POLR2G: variants seen among roughly 807,000 people sequenced by gnomAD.
POLR2G encodes DNA-directed RNA polymerase II subunit RPB7.
Under a neutral mutation model 25.7 loss-of-function variants are expected in POLR2G, and 19 were observed. The observed-to-expected ratio is 0.74, with a 90% CI of 0.52 to 1.08. The LOEUF (loss-of-function observed/expected upper bound fraction) is 1.08, where lower values mean the gene tolerates loss of function less well. Ranked by LOEUF, POLR2G falls within the 50% of genes least tolerant of loss-of-function variation. The pLI is 0.00. For missense variants in POLR2G, 123 were observed against 218.5 expected, an observed-to-expected ratio of 0.56 and a Z score of 2.76; for synonymous variants, 79 against 76.0, an observed-to-expected ratio of 1.04 and a Z score of -0.21.
Position 62,766,689 on chromosome 11 carries a change from T to C in POLR2G, c.*182T>C, listed in dbSNP as rs1250531623. ...CTCATTTTTCAGTATGTGTTCTAAG[T>C]ATAAAAAGTCCTTGGTTCTCATGGA... On this transcript the variant is annotated 3_prime_UTR_variant, in exon 8 of 8. Transcript: ENST00000301788. 1.7e-6 allele frequency: 1 copy of C among 593,220 alleles called. No individual in the cohort carries two copies. The highest frequency in any genetic ancestry group is 3.0e-6 in the Non-Finnish European group (1 of 333,772). The allele number at this position is 593,220 out of a possible 1,614,324, so 36.7% of individuals were successfully genotyped here. A position where few individuals can be genotyped will look rare whatever the true frequency, so the allele number is the denominator to read the frequency against.
intron 3 of POLR2G, among the ~76,000 whole-genome samples, chr11:62,763,417 C>T (rs1405805222): frequency 4.6e-5 from 7 of 151,918 alleles, no homozygotes; most frequent in Admixed American, 3.9e-4. Flanking sequence ...GCCTCAGCCT[C>T]CCAAGTAGCT....
Position 62,765,718 on chromosome 11 carries a change from T to C in POLR2G, c.465T>C (p.Asn155=). 6.3e-7 allele frequency: 1 copy of C among 1,593,746 alleles called. No homozygotes were observed. Among genetic ancestry groups the C allele is most frequent in the South Asian group, 1.1e-5 (1 of 90,690 alleles). ...LKIVGTRVDK[N]DIFAIGSLMD... ...TTGTGGGGACCCGTGTGGACAAGAA[T>C]GACATTGTGAGTCTTTTCCCCACCT... The change falls in exon 6 of 8, where the codon AAT becomes AAC. Residue 155 remains asparagine, a synonymous_variant. Coordinates refer to ENST00000301788, the MANE Select transcript of POLR2G (RefSeq NM_002696.3).
chr11:62,764,614 C>T (rs1421123077), intron 3 of POLR2G, among the ~76,000 whole-genome samples: 1 of 151,902 alleles, frequency 6.6e-6, no homozygotes, highest in Non-Finnish European at 1.5e-5. Context: ...GGCAACATAT[C>T]AAGACTCTGT....
chr11:62,766,173 G>T (rs2134858863), intron 6 of POLR2G, 70 bp from the exon 7 acceptor site: 2 of 1,293,994 alleles, frequency 1.5e-6, no homozygotes, highest in East Asian at 2.3e-5. Flanking sequence ...CAGAAGGCCT[G>T]GGGCTGCAGG....
rs768903627 is a variant in POLR2G, at chr11:62,765,162, A to T, written c.283-20A>T. On this transcript the variant is annotated intron_variant, in intron 3 of 7. Coordinates refer to ENST00000301788, the MANE Select transcript of POLR2G (RefSeq NM_002696.3). ...GTGAGCCACCGTGCACGGCCGTAAG[A>T]TCACTCATTTTTTTTCTAGGTTGGA... is the stretch of plus-strand genomic sequence containing the variant. 1 of 1,611,842 alleles carries T rather than the reference A, an allele frequency of 6.2e-7. No individual in the cohort carries two copies. The highest frequency in any genetic ancestry group is 8.5e-7 in the Non-Finnish European group (1 of 1,179,028).
At chr11:62,763,801 G>C (rs1284253140) in intron 3 of POLR2G, among the ~76,000 whole-genome samples, 5 of 150,646 alleles carry the variant, frequency 3.3e-5, no homozygotes, top group South Asian at 4.2e-4. Context: ...GGAGTGCAGT[G>C]GCGCAATCTC....
chr11:62,765,190 C>T lies in POLR2G; in HGVS notation c.291C>T (p.Leu97=), dbSNP rs1440806327. The part of the protein sequence containing the change: ...AVVTQVNKVG[L]FTEIGPMSCF... ...ACTCATTTTTTTTCTAGGTTGGACT[C>T]TTCACAGAAATTGGGCCCATGTCTT... Residue 97 remains leucine (L), a synonymous_variant, in exon 4 of 8, where the codon CTC becomes CTT. Transcript: ENST00000301788. 6.2e-7 allele frequency: 1 copy of T among 1,613,716 alleles called. No homozygotes were observed. The highest frequency in any genetic ancestry group is 1.7e-5 in the Admixed American group (1 of 59,998).
chr11:62,764,703 G>T (rs1037994896), intron 3 of POLR2G, among the ~76,000 whole-genome samples: 7 of 152,058 alleles, frequency 4.6e-5, no homozygotes, highest in African/African-American at 1.7e-4. Context: ...GGCTGAGGTG[G>T]GAGGATCGCT....
chr11:62,764,208 C>T (rs866593679), intron 3 of POLR2G, among the ~76,000 whole-genome samples: 6 of 152,118 alleles, frequency 3.9e-5, no homozygotes, highest in Non-Finnish European at 8.8e-5. Flanking sequence ...CATCTGTAAT[C>T]CCAGCACTTT....
chr11:62,764,014 T>C (rs2084102511), intron 3 of POLR2G, among the ~76,000 whole-genome samples: 1 of 151,464 alleles, frequency 6.6e-6, no homozygotes, highest in African/African-American at 2.4e-5. Context: ...AGTGCTGGGA[T>C]TATAGGCGTG....
intron 3 of POLR2G, among the ~76,000 whole-genome samples, chr11:62,763,944 G>T (rs2134856411): frequency 6.6e-6 from 1 of 151,592 alleles, no homozygotes; most frequent in East Asian, 2.0e-4. Context: ...GTTTCTCCAT[G>T]TTGGTCAGGC....
intron 2 of POLR2G, chr11:62,762,555 TG>T: frequency 2.1e-6 from 1 of 481,834 alleles, no homozygotes; most frequent in Non-Finnish European, 4.1e-6. Context: ...CAAGACTGTC[TG>T]GGGCAGACCT....
At position 62,766,699 on chromosome 11, in the gene POLR2G, C is replaced by T; in HGVS notation, c.*192C>T. 3.5e-6 allele frequency: 2 copies of T among 568,858 alleles called. No individual in the cohort carries two copies. The highest frequency in any genetic ancestry group is 6.2e-6 in the Non-Finnish European group (2 of 320,886). 35.2% of individuals were successfully genotyped at this position (568,858 alleles called of 1,614,324 possible). ...AGTATGTGTTCTAAGTATAAAAAGT[C>T]CTTGGTTCTCATGGAAGTGTTATCT... On this transcript the variant is annotated 3_prime_UTR_variant, in exon 8 of 8. Transcript: ENST00000301788.
chr11:62,762,818 A>C, intron 2 of POLR2G, 49 bp from the exon 3 acceptor site: 6 of 1,488,622 alleles, frequency 4.0e-6, no homozygotes, highest in Non-Finnish European at 5.5e-6. Flanking sequence ...AGATGTCTTT[A>C]GAGGCTCTTG....
At position 62,763,021 on chromosome 11, in the gene POLR2G, A is replaced by T; in HGVS notation, c.277A>T (p.Asn93Tyr). Residue 93 changes from asparagine (N) to tyrosine (Y), a missense_variant, in exon 3 of 8, where the codon AAC (asparagine) becomes TAC (tyrosine). Asn to Tyr is a moderately radical substitution (Grantham distance 143). Coordinates refer to ENST00000301788, the MANE Select transcript of POLR2G (RefSeq NM_002696.3). ...EVVDAVVTQV[N>Y]KVGLFTEIGP... is the part of the protein sequence containing the mutation. ...CGTGGATGCTGTTGTCACTCAGGTCAACAAGGTGAGACCATACATAGGGGA... is the reference window on the plus strand; with the variant it reads ...CGTGGATGCTGTTGTCACTCAGGTCTACAAGGTGAGACCATACATAGGGGA... The T allele has an allele frequency of 6.3e-7, 1 of 1,597,492 alleles. No individual in the cohort carries two copies. The highest frequency in any genetic ancestry group is 2.2e-5 in the East Asian group (1 of 44,484).
chr11:62,761,963 C>A, intron 2 of POLR2G, 59 bp downstream of exon 2: 1 of 1,222,282 alleles, frequency 8.2e-7, no homozygotes, highest in Non-Finnish European at 1.2e-6. Context: ...GGCGCTATAC[C>A]TGCAACCCCT....
At chr11:62,763,081 G>A in intron 3 of POLR2G, 55 bp downstream of exon 3, 1 of 1,255,272 alleles carries the variant, frequency 8.0e-7, no homozygotes. Context: ...ATCTGGGTTG[G>A]GTTCTGGCTC....
intron 3 of POLR2G, among the ~76,000 whole-genome samples, chr11:62,763,583 C>G (rs1006502119): frequency 6.6e-6 from 1 of 152,086 alleles, no homozygotes; most frequent in Non-Finnish European, 1.5e-5. Flanking sequence ...CTTGAGCCAC[C>G]GCGCCCGGCC....
intron 6 of POLR2G, 24 bp from the exon 7 acceptor site, chr11:62,766,219 T>G: frequency 1.2e-6 from 2 of 1,612,582 alleles, no homozygotes; most frequent in East Asian, 4.5e-5. Flanking sequence ...TGGCTTCACT[T>G]TCTTTTTACC....
Sources: allele counts gnomAD v4.1 joint callset (sites outside exome capture counted in the v4.1 genomes callset), GRCh38; gene constraint gnomAD v4.1.1; transcripts MANE v1.5; gene names NCBI Gene and HGNC (gene_info 2026-07-23, HGNC 2026-07-21).